The following LRRC4C variants were observed in gnomAD, a reference collection of about 807,000 sequenced individuals.
The protein encoded by LRRC4C is leucine rich repeat containing 4C.
A neutral mutation model predicts 33.6 loss-of-function variants in LRRC4C; 5 were observed. The observed-to-expected ratio is 0.15, with a 90% confidence interval of 0.08 to 0.31. The LOEUF is 0.31. Among genes scored for constraint, LRRC4C ranks in the 10% least tolerant of loss-of-function variants. The pLI, the probability that LRRC4C is intolerant of heterozygous loss-of-function variation, is 1.00. For synonymous variants in LRRC4C, 329 were observed against 302.0 expected (o/e 1.09, Z -0.93); for missense variants, 560 against 796.7 (o/e 0.70, Z 3.58).
intron 2 of LRRC4C, among the ~76,000 whole-genome samples, chr11:40,712,793 A>G (rs1400828023): frequency 6.6e-6 from 1 of 152,150 alleles, no homozygotes; most frequent in African/African-American, 2.4e-5. Flanking sequence ...ATATTTGAGA[A>G]CAAGATTAAT....
chr11:40,319,918 T>C (rs1336960788), intron 3 of LRRC4C, among the ~76,000 whole-genome samples, 197 bp from the exon 4 acceptor site: 3 of 152,032 alleles, frequency 2.0e-5, no homozygotes, highest in African/African-American at 7.2e-5. Context: ...AATATGTATA[T>C]GTATATATGT....
intron 3 of LRRC4C, among the ~76,000 whole-genome samples, chr11:40,327,682 T>C (rs143767568): frequency 2.0e-5 from 3 of 152,114 alleles, no homozygotes; most frequent in African/African-American, 7.2e-5. Context: ...GGGCCAGGTG[T>C]TGGTGATGAG....
chr11:41,019,288 G>A (rs1261141587), intron 1 of LRRC4C, among the ~76,000 whole-genome samples: 1 of 152,064 alleles, frequency 6.6e-6, no homozygotes, highest in African/African-American at 2.4e-5. Context: ...TTCTGTTCCT[G>A]TGTTAGTTTG....
rs1428423126 is a variant in LRRC4C at position 40,218,735 on chromosome 11, CTAT to C, written c.-96+22781_-96+22783del. 7.3e-5 allele frequency among the ~76,000 whole-genome samples: 11 copies of C among 151,568 alleles called. No homozygotes were observed. The East Asian group carries it at 1.2e-3, about 16-fold the overall frequency. ...TCTATCTATCTATCTATCTATCTAT[CTAT>C]CTATCCATCCATCCATCTATCCATC... On this transcript the variant is annotated intron_variant, in intron 5 of 6. Transcript: ENST00000528697.
At chr11:40,977,492 G>A (rs11036167) in intron 1 of LRRC4C, among the ~76,000 whole-genome samples, 35,300 of 151,988 alleles carry the variant, frequency 0.23, 4,484 homozygotes, top group Middle Eastern at 0.32. Context: ...AGAAGACACA[G>A]TGACTATAAG....
At chr11:41,428,650 T>C (rs1328675867) in intron 1 of LRRC4C, among the ~76,000 whole-genome samples, 1 of 152,136 alleles carries the variant, frequency 6.6e-6, no homozygotes, top group Admixed American at 6.6e-5. Flanking sequence ...TGTCATATGT[T>C]GTCACCTTTG....
At chr11:40,314,089 G>T (rs1468439289) in intron 4 of LRRC4C, among the ~76,000 whole-genome samples, 1 of 151,854 alleles carries the variant, frequency 6.6e-6, no homozygotes, top group Admixed American at 6.6e-5. Context: ...GGAGAAATAA[G>T]TTGCAAACTA....
At chr11:41,396,519 A>C (rs567999684) in intron 1 of LRRC4C, among the ~76,000 whole-genome samples, 1 of 152,050 alleles carries the variant, frequency 6.6e-6, no homozygotes, top group African/African-American at 2.4e-5. Context: ...GGTGTTCCTC[A>C]AATTCTCTTA....
intron 4 of LRRC4C, among the ~76,000 whole-genome samples, chr11:40,251,634 G>A (rs917209775): frequency 2.0e-5 from 3 of 152,130 alleles, no homozygotes; most frequent in Admixed American, 6.6e-5. Context: ...AGAAACCAAG[G>A]AAGAAAGAGC....
chr11:40,158,264 G>A (rs1398894970), intron 5 of LRRC4C, among the ~76,000 whole-genome samples: 1 of 152,108 alleles, frequency 6.6e-6, no homozygotes, highest in African/African-American at 2.4e-5. Flanking sequence ...GACTTGGGGG[G>A]AAGAGTGGAA....
At chr11:40,797,381 G>A (rs879763191) in intron 2 of LRRC4C, among the ~76,000 whole-genome samples, 3 of 152,248 alleles carry the variant, frequency 2.0e-5, no homozygotes, top group Non-Finnish European at 2.9e-5. Context: ...GCAAGATCCT[G>A]GACAGATCTT....
At chr11:40,295,225 C>T (rs1278328952) in intron 4 of LRRC4C, among the ~76,000 whole-genome samples, 1 of 152,066 alleles carries the variant, frequency 6.6e-6, no homozygotes, top group Non-Finnish European at 1.5e-5. Context: ...TCATAAGGCC[C>T]TTTCAGTTAA....
chr11:40,959,556 T>G (rs1340464019), intron 1 of LRRC4C, among the ~76,000 whole-genome samples: 5 of 151,800 alleles, frequency 3.3e-5, no homozygotes, highest in African/African-American at 1.2e-4. Context: ...AGTTTGTGGT[T>G]AAGTACACAT....
chr11:40,709,921 A>T (rs1946375486), intron 2 of LRRC4C, among the ~76,000 whole-genome samples: 1 of 151,680 alleles, frequency 6.6e-6, no homozygotes, highest in Admixed American at 6.6e-5. Context: ...TTCTTTTCTC[A>T]CTTCATTTCA....
chr11:40,314,090 T>C (rs1362941576), intron 4 of LRRC4C, among the ~76,000 whole-genome samples: 1 of 151,720 alleles, frequency 6.6e-6, no homozygotes, highest in Non-Finnish European at 1.5e-5. Context: ...GAGAAATAAG[T>C]TGCAAACTAT....
intron 1 of LRRC4C, among the ~76,000 whole-genome samples, chr11:41,296,259 G>A (rs1565557247): frequency 6.6e-6 from 1 of 151,996 alleles, no homozygotes; most frequent in Non-Finnish European, 1.5e-5. Context: ...GTTGTTCTGA[G>A]TCCCTGTTTC....
At chr11:40,286,271 C>T (rs975405381) in intron 4 of LRRC4C, among the ~76,000 whole-genome samples, 3 of 152,116 alleles carry the variant, frequency 2.0e-5, no homozygotes, top group African/African-American at 7.2e-5. Flanking sequence ...TAGTCTCTTT[C>T]TCTTAAAATC....
Position 40,158,970 on chromosome 11 carries a change from T to C in LRRC4C, c.-95-18117A>G, listed in dbSNP as rs1196043263. Among the ~76,000 whole-genome samples, 3 of 152,170 alleles carry C rather than the reference T, an allele frequency of 2.0e-5. No homozygotes were observed. The East Asian group carries it at 5.8e-4, about 29-fold the overall frequency. The stretch of plus-strand genomic sequence containing the variant: ...ATTCACTCATGATTTTTTTCTTATC[T>C]TAAAATAATCTAAATCTTATTGAGC... On this transcript the variant is annotated intron_variant, in intron 5 of 6. Transcript: ENST00000528697.
intron 2 of LRRC4C, among the ~76,000 whole-genome samples, chr11:40,694,585 G>C (rs1945396265): frequency 1.3e-5 from 2 of 152,072 alleles, no homozygotes; most frequent in African/African-American, 4.8e-5. Context: ...TGGTGGTGCT[G>C]TTTTTCTTTT....
Sources: allele counts gnomAD v4.1 joint callset (sites outside exome capture counted in the v4.1 genomes callset), GRCh38; gene constraint gnomAD v4.1.1; transcripts MANE v1.5; gene names NCBI Gene and HGNC (gene_info 2026-07-23, HGNC 2026-07-21).